Variants in CLCC1 observed in about 807,000 individuals in gnomAD.
CLCC1 encodes the protein chloride channel CLIC like 1.
A neutral mutation model predicts 63.3 loss-of-function variants in CLCC1; 39 were observed. That is an observed-to-expected ratio of 0.62 (90% CI 0.48 to 0.81). CLCC1 has a LOEUF of 0.81. Ranked by LOEUF, CLCC1 falls within the 30% of genes least tolerant of loss-of-function variation. The probability of loss-of-function intolerance (pLI) is 0.00; values close to 1 mark genes in which losing one functional copy is unlikely to be tolerated. For synonymous variants in CLCC1, 217 were observed against 239.8 expected (o/e 0.90, Z 0.88); for missense variants, 549 against 669.4 (o/e 0.82, Z 1.98).
chr1:108,955,903 T>A (rs1194676215), intron 2 of CLCC1, among the ~76,000 whole-genome samples: 1 of 151,508 alleles, frequency 6.6e-6, no homozygotes, highest in African/African-American at 2.5e-5. Context: ...TCCCTGGTTT[T>A]AAGGCTTTCA....
chr1:108,947,739 C>A, intron 4 of CLCC1, 21 bp from the exon 5 acceptor site: 1 of 1,489,416 alleles, frequency 6.7e-7, no homozygotes. Context: ...AAAATCAATT[C>A]AACATTAGTT....
chr1:108,961,509 C>G (rs1292469154), intron 2 of CLCC1, among the ~76,000 whole-genome samples: 1 of 152,120 alleles, frequency 6.6e-6, no homozygotes, highest in East Asian at 1.9e-4. Flanking sequence ...CTATTTTTAC[C>G]ATTTCTCTCC....
At chr1:108,956,377 C>T (rs957334635) in intron 2 of CLCC1, among the ~76,000 whole-genome samples, 2 of 151,392 alleles carry the variant, frequency 1.3e-5, no homozygotes, top group Non-Finnish European at 2.9e-5. Context: ...AGCCATTACA[C>T]TTGGCCAGGC....
chr1:108,931,576 C>T lies in CLCC1; in HGVS notation c.*971G>A, dbSNP rs1651980753. The T allele has an allele frequency of 1.4e-6, 2 of 1,422,742 alleles. No individual in the cohort carries two copies. The highest frequency in any genetic ancestry group is 3.0e-5 in the African/African-American group (2 of 67,232). The allele number at this position is 1,422,742 out of a possible 1,614,324, so 88.1% of individuals were successfully genotyped here. On this transcript the variant is annotated 3_prime_UTR_variant, in exon 13 of 13. Transcript: ENST00000369969. The stretch of plus-strand genomic sequence containing the variant: ...GCAAATAGAACTATTTCTCTAATGG[C>T]CAATGTTTTTTAAGAGTCATAACCT...
chr1:108,961,862 A>G (rs1656693562), intron 2 of CLCC1, among the ~76,000 whole-genome samples: 1 of 152,198 alleles, frequency 6.6e-6, no homozygotes, highest in Admixed American at 6.5e-5. Context: ...TCCGTCTAAA[A>G]AAAAAAAAGT....
At chr1:108,944,158 T>C (rs1654220974) in intron 5 of CLCC1, 101 bp from the exon 6 acceptor site, 3 of 818,634 alleles carry the variant, frequency 3.7e-6, no homozygotes, top group South Asian at 1.9e-5. Flanking sequence ...AAATATTAGT[T>C]TGCAGTATTT....
chr1:108,941,282 TTCTTCTGATATTA>T, intron 8 of CLCC1, 110 bp downstream of exon 8: 1 of 866,904 alleles, frequency 1.2e-6, no homozygotes, highest in South Asian at 1.7e-5. Flanking sequence ...TTCTTGCATG[TTCTTCTGATATTA>T]AAGATTCAGT....
rs142697559 is a variant in CLCC1, at chr1:108,934,442, A to T, written c.*45+183T>A. On this transcript the variant is annotated intron_variant, in intron 12 of 12. Coordinates refer to ENST00000369969, the MANE Select transcript of CLCC1 (RefSeq NM_001377458.1). ...TCTTAAAATAAACACTTCTTACTTT[A>T]TGGGATGTAAATATCAAAGAGAAGA... 11 of 515,316 alleles carry T rather than the reference A, an allele frequency of 2.1e-5. No homozygotes were observed. The East Asian group carries it at 3.3e-4, about 15-fold the overall frequency. 31.9% of individuals were successfully genotyped at this position (515,316 alleles called of 1,614,324 possible). A position where few individuals can be genotyped will look rare whatever the true frequency, so the allele number is the denominator to read the frequency against.
intron 5 of CLCC1, among the ~76,000 whole-genome samples, chr1:108,947,117 T>C (rs1330994455): frequency 2.6e-5 from 4 of 152,116 alleles, no homozygotes; most frequent in Non-Finnish European, 4.4e-5. Flanking sequence ...TGAGCCAAGA[T>C]TGCACGACGG....
chr1:108,937,162 T>G lies in CLCC1; in HGVS notation c.1298A>C (p.Gln433Pro), dbSNP rs769321056. ...CACTTCAGGGCTCTTGTTGCCAGTC[T>G]GAAATCTCAAGTCAACATCTCTCTC... ...LRERDVDLRF[Q>P]TGNKSPEVLR... Residue 433 changes from glutamine (Q) to proline (P), a missense_variant, in exon 11 of 13, where the codon CAG (glutamine) becomes CCG (proline). By Grantham distance (76) the Gln-to-Pro change is moderately conservative. Transcript: ENST00000369969. 3.8e-6 allele frequency: 6 copies of G among 1,580,520 alleles called. No individual in the cohort carries two copies. The highest frequency in any genetic ancestry group is 3.7e-5 in the Admixed American group (2 of 54,762).
At chr1:108,944,530 T>G (rs1654277915) in intron 5 of CLCC1, among the ~76,000 whole-genome samples, 1 of 151,890 alleles carries the variant, frequency 6.6e-6, no homozygotes, top group Non-Finnish European at 1.5e-5. Flanking sequence ...AAACCAAAGA[T>G]AATATACATG....
chr1:108,951,267 A>C (rs935340449), intron 2 of CLCC1, among the ~76,000 whole-genome samples: 2 of 152,202 alleles, frequency 1.3e-5, no homozygotes, highest in African/African-American at 4.8e-5. Flanking sequence ...CAGTGATCCC[A>C]GCCCCTTGGG....
At chr1:108,948,369 G>A (rs376809469) in intron 4 of CLCC1, among the ~76,000 whole-genome samples, 2 of 152,128 alleles carry the variant, frequency 1.3e-5, no homozygotes, top group African/African-American at 4.8e-5. Context: ...ACTTAGCTCT[G>A]CCACCACCAA....
intron 2 of CLCC1, among the ~76,000 whole-genome samples, chr1:108,960,051 T>C (rs1202465305): frequency 6.6e-6 from 1 of 152,084 alleles, no homozygotes; most frequent in African/African-American, 2.4e-5. Context: ...GGAGGATCAC[T>C]TGAGCCGGGG....
Position 108,962,354 on chromosome 1 carries a change from G to T in CLCC1, c.-57C>A, listed in dbSNP as rs557128933. 1.3e-5 allele frequency: 2 copies of T among 152,302 alleles called. No individual in the cohort carries two copies. Among genetic ancestry groups the T allele is most frequent in the African/African-American group, 4.8e-5 (2 of 41,560 alleles). 9.4% of individuals were successfully genotyped at this position (152,302 alleles called of 1,614,324 possible). A position where few individuals can be genotyped will look rare whatever the true frequency, so the allele number is the denominator to read the frequency against. On this transcript the variant is annotated 5_prime_UTR_variant, in exon 2 of 13. The change creates a premature stop within an existing upstream ORF in the 5' untranslated region. Coordinates refer to ENST00000369969, the MANE Select transcript of CLCC1 (RefSeq NM_001377458.1). Reference sequence around the variant, plus strand: ...CCTGTTTTAGACTAGAAGTACCAGGGTATAAGTCGGGAGGCTGCAACTTAT... The same window carrying T: ...CCTGTTTTAGACTAGAAGTACCAGGTTATAAGTCGGGAGGCTGCAACTTAT...
chr1:108,930,456 A>AAAAG lies in CLCC1; in HGVS notation c.*2087_*2090dup, dbSNP rs1651746148. Reference sequence around the variant, plus strand: ...TGTTTTTTTAGGCCAAAGTCAGTATAAAAGAAACTCTACTTCTTGGGCTGG... The same window carrying AAAAG: ...TGTTTTTTTAGGCCAAAGTCAGTATAAAAGAAAGAAACTCTACTTCTTGGGCTGG... On this transcript the variant is annotated 3_prime_UTR_variant, in exon 13 of 13. Coordinates refer to ENST00000369969, the MANE Select transcript of CLCC1 (RefSeq NM_001377458.1). The AAAAG allele has an allele frequency of 6.5e-6, 1 of 153,920 alleles. No individual in the cohort carries two copies. The highest frequency in any genetic ancestry group is 1.4e-5 in the Non-Finnish European group (1 of 69,350). 9.5% of individuals were successfully genotyped at this position (153,920 alleles called of 1,614,324 possible).
At chr1:108,932,624 C>T (rs1273932800) in intron 12 of CLCC1, 123 bp from the exon 13 acceptor site, 4 of 152,218 alleles carry the variant, frequency 2.6e-5, no homozygotes, top group African/African-American at 9.6e-5. Context: ...TCACCTGGGG[C>T]ATTCACTACT....
chr1:108,948,181 C>CA (rs1398018947), intron 4 of CLCC1, among the ~76,000 whole-genome samples: 1 of 152,192 alleles, frequency 6.6e-6, no homozygotes, highest in Non-Finnish European at 1.5e-5. Context: ...AAGGACACAA[C>CA]AGAGTATTTC....
intron 5 of CLCC1, among the ~76,000 whole-genome samples, chr1:108,945,675 G>A (rs1414689885): frequency 6.6e-6 from 1 of 152,280 alleles, no homozygotes; most frequent in African/African-American, 2.4e-5. Context: ...ACAGTTTTCA[G>A]ATAGCCTAAA....
Sources: gnomAD v4.1 joint callset for allele counts (sites outside exome capture counted in the v4.1 genomes callset) on GRCh38, gnomAD v4.1.1 for gene constraint, MANE v1.5 for transcripts, NCBI Gene and HGNC (gene_info 2026-07-23, HGNC 2026-07-21) for gene names.